Variants in UBR4 observed in about 807,000 individuals in gnomAD.
The protein encoded by UBR4 is E3 ubiquitin-protein ligase UBR4.
In UBR4, 124 loss-of-function variants were observed where a neutral mutation model predicts 575.6. The ratio of observed to expected loss-of-function variants is 0.22; its 90% CI spans 0.19 to 0.25. The LOEUF is 0.25. Among genes scored for constraint, UBR4 ranks in the 10% least tolerant of loss-of-function variants. UBR4 has a pLI of 1.00. For missense variants in UBR4, 4,818 were observed against 6,478.8 expected (o/e 0.74, Z 8.80); for synonymous variants, 2,455 against 2,473.7 (o/e 0.99, Z 0.22).
At chr1:19,105,884 G>A in intron 83 of UBR4, 42 bp from the exon 84 acceptor site, 1 of 1,456,906 alleles carries the variant, frequency 6.9e-7, no homozygotes, top group Non-Finnish European at 9.1e-7. Flanking sequence ...CTCAGAGGAT[G>A]CCCTGCCTCA....
intron 8 of UBR4, among the ~76,000 whole-genome samples, chr1:19,196,186 C>G (rs1203095952): frequency 6.6e-6 from 1 of 152,172 alleles, no homozygotes; most frequent in African/African-American, 2.4e-5. Context: ...CTCTAAACTT[C>G]CAAAGTACTT....
chr1:19,155,013 C>A lies in UBR4; in HGVS notation c.6363G>T (p.Met2121Ile). The A allele has an allele frequency of 6.2e-7, 1 of 1,614,194 alleles. No individual in the cohort carries two copies. The highest frequency in any genetic ancestry group is 8.5e-7 in the Non-Finnish European group (1 of 1,180,030). Residue 2121 changes from methionine to isoleucine, a missense_variant, in exon 44 of 106, where the codon ATG becomes ATT. Transcript: ENST00000375254. Reference sequence around the variant, plus strand: ...TGCCTTGACAATAGCTGAAGAACAACATCTGCAACACGTGGGAGTAGTACA... The same window carrying A: ...TGCCTTGACAATAGCTGAAGAACAAAATCTGCAACACGTGGGAGTAGTACA... ...VSVYYSHVLQMLFFSYCQGKS... is the reference protein window; with the variant it reads ...VSVYYSHVLQILFFSYCQGKS...
intron 101 of UBR4, 101 bp from the exon 102 acceptor site, chr1:19,084,799 T>G: frequency 9.0e-7 from 1 of 1,114,774 alleles, no homozygotes; most frequent in Non-Finnish European, 1.3e-6. Flanking sequence ...GCCTGATGGC[T>G]GCAAAGGTTT....
At chr1:19,104,951 CAGCA>C in intron 85 of UBR4, 93 bp downstream of exon 85, 1 of 1,509,008 alleles carries the variant, frequency 6.6e-7, no homozygotes, top group Non-Finnish European at 8.9e-7. Flanking sequence ...TATTTCTTCT[CAGCA>C]AAAACAAACA....
chr1:19,146,085 G>T (rs1385634065), intron 52 of UBR4, 152 bp from the exon 53 acceptor site: 1 of 1,555,460 alleles, frequency 6.4e-7, no homozygotes, highest in Non-Finnish European at 8.7e-7. Context: ...ACTCCAGCAG[G>T]CACATCTAGG....
intron 71 of UBR4, 54 bp downstream of exon 71, chr1:19,118,818 C>G: frequency 6.3e-7 from 1 of 1,574,950 alleles, no homozygotes; most frequent in South Asian, 1.1e-5. Flanking sequence ...ATGCAAATAA[C>G]TCCTCAGAAT....
At chr1:19,198,470 C>T in intron 5 of UBR4, 71 bp downstream of exon 5, 1 of 1,534,414 alleles carries the variant, frequency 6.5e-7, no homozygotes, top group Non-Finnish European at 8.8e-7. Flanking sequence ...AAATACATCA[C>T]TTTTTCTCCC....
rs769927711 is a variant in UBR4, at chr1:19,077,892, G to A, written c.15324+84C>T. ...AGGCCCAGCGGAGGAGCAGCCATGT[G>A]GGTGCTGAGGCAGAGTCAGGGACAG... On this transcript the variant is annotated intron_variant, in intron 104 of 105. Coordinates refer to ENST00000375254, the MANE Select transcript of UBR4 (RefSeq NM_020765.3). 3 of 1,608,720 alleles carry A rather than the reference G, an allele frequency of 1.9e-6. No homozygotes were observed. In the African/African-American group the frequency reaches 4.0e-5, roughly 22 times the overall value.
chr1:19,105,229 T>C (rs374817467), intron 84 of UBR4, 40 bp from the exon 85 acceptor site: 43 of 1,591,530 alleles, frequency 2.7e-5, no homozygotes, highest in Non-Finnish European at 3.7e-5. Flanking sequence ...TCAAGAACTC[T>C]AGCATTTCGA....
At chr1:19,143,385 T>C (rs1278659674) in intron 55 of UBR4, among the ~76,000 whole-genome samples, 1 of 152,144 alleles carries the variant, frequency 6.6e-6, no homozygotes, top group African/African-American at 2.4e-5. Context: ...GTAACCAGAA[T>C]TATATAATTC....
chr1:19,117,120 T>C lies in UBR4; in HGVS notation c.10823+101A>G. The C allele has an allele frequency of 7.4e-7, 1 of 1,350,266 alleles. No individual in the cohort carries two copies. The highest frequency in any genetic ancestry group is 1.0e-6 in the Non-Finnish European group (1 of 963,696). 83.6% of individuals were successfully genotyped at this position (1,350,266 alleles called of 1,614,324 possible). A position where few individuals can be genotyped will look rare whatever the true frequency, so the allele number is the denominator to read the frequency against. On this transcript the variant is annotated intron_variant, in intron 73 of 105. Transcript: ENST00000375254. This position sits in a 1 kb window ranked among gnomAD's most constrained non-coding sequence, Gnocchi z 4.0. ...AGGGGCCAAGAGGATGTATTAGGCC[T>C]CTAGGGATGTGCTGCCTTACTCCAT...
In UBR4 at chr1:19,086,616, C is replaced by A. The variant is rs556647601; in HGVS notation, c.14687+63G>T. 1.5e-4 allele frequency: 237 copies of A among 1,592,724 alleles called. 2 individuals carry two copies. In the African/African-American group the frequency reaches 2.2e-3, roughly 15 times the overall value. ...TTTAAAACCACGAGGATGGCAGTCC[C>A]ACCCGCTCCAGGCCCACAGGCAGGC... On this transcript the variant is annotated intron_variant, in intron 100 of 105. Coordinates refer to ENST00000375254, the MANE Select transcript of UBR4 (RefSeq NM_020765.3).
intron 14 of UBR4, among the ~76,000 whole-genome samples, chr1:19,185,987 G>A (rs2091492346): frequency 6.6e-6 from 1 of 152,154 alleles, no homozygotes; most frequent in South Asian, 2.1e-4. Context: ...ATAAATCACA[G>A]GACGGTAAGA....
chr1:19,110,482 G>A lies in UBR4; in HGVS notation c.11893-18C>T, dbSNP rs201300738. 6.8e-6 allele frequency: 11 copies of A among 1,613,270 alleles called. No individual in the cohort carries two copies. The East Asian group carries it at 2.2e-4, about 33-fold the overall frequency. On this transcript the variant is annotated intron_variant, in intron 79 of 105. Coordinates refer to ENST00000375254, the MANE Select transcript of UBR4 (RefSeq NM_020765.3). This position sits in a 1 kb window ranked among gnomAD's most constrained non-coding sequence, Gnocchi z 4.5. ...CTACTTGCCTAGAAGGCAATGGGAA[G>A]AGACATGAGTCAAGAGGGTCAGCTC...
rs1462623298 is a variant in UBR4 at position 19,157,831 on chromosome 1, C to G, written c.5744G>C (p.Ser1915Thr). ...PHGRRQHLAVSHEKGKITVLQ... is the reference protein window; with the variant it reads ...PHGRRQHLAVTHEKGKITVLQ... ...AGGACCCACCTTGCCCTTCTCATGG[C>G]TGACAGCCAAATGTTGGCGGCGCCC... Residue 1915 changes from serine (S) to threonine (T), a missense_variant, in exon 40 of 106, where the codon AGC (serine) becomes ACC (threonine). Coordinates refer to ENST00000375254, the MANE Select transcript of UBR4 (RefSeq NM_020765.3). The surrounding 1 kb of genome is among the most constrained non-coding windows in gnomAD (Gnocchi z 4.4). 1 of 1,614,150 alleles carries G rather than the reference C, an allele frequency of 6.2e-7. No individual in the cohort carries two copies.
chr1:19,110,691 G>A lies in UBR4; in HGVS notation c.11892+51C>T. The A allele has an allele frequency of 6.3e-7, 1 of 1,579,554 alleles. No homozygotes were observed. Among genetic ancestry groups the A allele is most frequent in the Non-Finnish European group, 8.7e-7 (1 of 1,149,398 alleles). On this transcript the variant is annotated intron_variant, in intron 79 of 105. Transcript: ENST00000375254. This position sits in a 1 kb window ranked among gnomAD's most constrained non-coding sequence, Gnocchi z 4.5. ...GGGAGGGGAAGCTGAGAAACACAAGGCATGTGAGGGGAAGTCAGAGAGGAC... is the reference window on the plus strand; with the variant it reads ...GGGAGGGGAAGCTGAGAAACACAAGACATGTGAGGGGAAGTCAGAGAGGAC...
rs1213683146 is a variant in UBR4, at chr1:19,121,963, T to C, written c.9866A>G (p.Asn3289Ser). 2 of 1,614,214 alleles carry C rather than the reference T, an allele frequency of 1.2e-6. No individual in the cohort carries two copies. Among genetic ancestry groups the C allele is most frequent in the African/African-American group, 1.3e-5 (1 of 75,084 alleles). Reference protein sequence around the residue: ...CAEIAAQRTINWQKFCIKDDS... With the variant: ...CAEIAAQRTISWQKFCIKDDS... ...ATCTTTGATGCAGAATTTCTGCCAG[T>C]TGATGGTTCGCTGGGCGGCAATCTC... The change falls in exon 67 of 106, where the codon AAC (asparagine) becomes AGC (serine). Residue 3289 changes from asparagine to serine, a missense_variant. Asn to Ser is a conservative substitution (Grantham distance 46). Transcript: ENST00000375254.
At chr1:19,091,373 T>C (rs915180513) in intron 97 of UBR4, among the ~76,000 whole-genome samples, 4 of 152,256 alleles carry the variant, frequency 2.6e-5, no homozygotes, top group African/African-American at 9.6e-5. Context: ...CAAGTTACCA[T>C]GTTTTTGGAA....
At chr1:19,162,082 T>A (rs2087470444) in intron 35 of UBR4, among the ~76,000 whole-genome samples, 185 bp from the exon 36 acceptor site, 1 of 152,184 alleles carries the variant, frequency 6.6e-6, no homozygotes, top group Non-Finnish European at 1.5e-5. Flanking sequence ...GTGAGTGAGA[T>A]CTTAGGGGTT....
Sources: allele counts gnomAD v4.1 joint callset (sites outside exome capture counted in the v4.1 genomes callset), GRCh38; gene constraint gnomAD v4.1.1; non-coding constraint Gnocchi (gnomAD v3.1); transcripts MANE v1.5; gene names NCBI Gene and HGNC (gene_info 2026-07-23, HGNC 2026-07-21).